The following TCF7L2 variants were observed in gnomAD, a reference collection of about 807,000 sequenced individuals.
The protein encoded by TCF7L2 is transcription factor 7-like 2.
TCF7L2 carries 23 observed loss-of-function variants against 77.9 expected under a neutral mutation model. The observed-to-expected ratio is 0.30, with a 90% CI of 0.21 to 0.42. TCF7L2 has a LOEUF of 0.42. Ranked by LOEUF, TCF7L2 falls within the 10% of genes least tolerant of loss-of-function variation. The probability of loss-of-function intolerance (pLI) is 1.00; values close to 1 mark genes in which losing one functional copy is unlikely to be tolerated. For missense variants in TCF7L2, 654 were observed against 793.1 expected (o/e 0.82, Z 2.11); for synonymous variants, 413 against 340.2 (o/e 1.21, Z -2.36).
chr10:112,960,921 G>A (rs1019104327), intron 3 of TCF7L2, among the ~76,000 whole-genome samples: 1 of 152,140 alleles, frequency 6.6e-6, no homozygotes, highest in Non-Finnish European at 1.5e-5. Context: ...TGGAACTCCT[G>A]TCCTCAGATG....
intron 5 of TCF7L2, chr10:113,129,926 T>C: frequency 7.7e-7 from 1 of 1,295,028 alleles, no homozygotes; most frequent in Non-Finnish European, 1.0e-6. Flanking sequence ...GGAGGCGCAG[T>C]GGCCTCCGGG....
At chr10:112,969,359 A>T (rs946856274) in intron 4 of TCF7L2, among the ~76,000 whole-genome samples, 1 of 152,224 alleles carries the variant, frequency 6.6e-6, no homozygotes, top group Non-Finnish European at 1.5e-5. Context: ...ACTGATGAAT[A>T]TGCTTCAGTG....
At chr10:113,009,561 T>C (rs1163993174) in intron 4 of TCF7L2, among the ~76,000 whole-genome samples, 1 of 152,168 alleles carries the variant, frequency 6.6e-6, no homozygotes, top group Admixed American at 6.6e-5. Flanking sequence ...TCTCCAAAGC[T>C]TCAGGAACAT....
chr10:113,100,157 G>A (rs2061476757), intron 5 of TCF7L2, among the ~76,000 whole-genome samples: 1 of 152,148 alleles, frequency 6.6e-6, no homozygotes, highest in Non-Finnish European at 1.5e-5. Flanking sequence ...CTTCCAGGTG[G>A]GAGAAGAATG....
intron 5 of TCF7L2, among the ~76,000 whole-genome samples, chr10:113,066,054 A>G (rs7100388): frequency 0.11 from 16,645 of 152,182 alleles, 1,026 homozygotes; most frequent in South Asian, 0.22. Flanking sequence ...GAATTCCAGT[A>G]TACCATCAGT....
In TCF7L2 at chr10:113,078,743, A is replaced by T. The variant is rs908190375; in HGVS notation, c.552+38617A>T. On this transcript the variant is annotated intron_variant, in intron 5 of 13. Transcript: ENST00000627217. ...CTCCGGTGGCTGAAACATGCCTCTG[A>T]TAGGTGCTATCTCCCTTGTCTTCAT... is the stretch of plus-strand genomic sequence containing the variant. Among the ~76,000 whole-genome samples, 39 of 151,960 alleles carry T rather than the reference A, an allele frequency of 2.6e-4. 1 individual carries two copies. Among genetic ancestry groups the T allele is most frequent in the Admixed American group, 2.5e-3 (38 of 15,270 alleles).
chr10:113,135,818 A>C (rs1209735177), intron 5 of TCF7L2, among the ~76,000 whole-genome samples: 1 of 152,038 alleles, frequency 6.6e-6, no homozygotes, highest in East Asian at 1.9e-4. Flanking sequence ...AGCTCCACCT[A>C]ATTTGGGGTT....
At chr10:113,131,232 T>C (rs2066551869) in intron 5 of TCF7L2, among the ~76,000 whole-genome samples, 1 of 152,256 alleles carries the variant, frequency 6.6e-6, no homozygotes, top group Admixed American at 6.5e-5. Flanking sequence ...GAATGAAATA[T>C]ACCATAGACT....
chr10:113,119,643 C>T (rs2064434291), intron 5 of TCF7L2, among the ~76,000 whole-genome samples: 1 of 149,744 alleles, frequency 6.7e-6, no homozygotes, highest in South Asian at 2.1e-4. Context: ...CCAAAAGAAA[C>T]ATTTTAGCCA....
At chr10:113,009,421 C>T (rs1365368304) in intron 4 of TCF7L2, among the ~76,000 whole-genome samples, 1 of 152,160 alleles carries the variant, frequency 6.6e-6, no homozygotes, top group East Asian at 1.9e-4. Flanking sequence ...GTTTTCAGCC[C>T]TGGAGACTCT....
chr10:113,028,333 TCCA>T (rs2049582149), intron 4 of TCF7L2, among the ~76,000 whole-genome samples: 1 of 152,140 alleles, frequency 6.6e-6, no homozygotes, highest in African/African-American at 2.4e-5. Flanking sequence ...TCGTGGGGCC[TCCA>T]GAAGGTCAGC....
At chr10:112,954,132 A>T (rs1399650998) in intron 3 of TCF7L2, among the ~76,000 whole-genome samples, 1 of 152,232 alleles carries the variant, frequency 6.6e-6, no homozygotes, top group Non-Finnish European at 1.5e-5. Flanking sequence ...GGAGGAATGC[A>T]TAGGCAAGAT....
At chr10:113,025,218 ATTTTTTT>A (rs35779425) in intron 4 of TCF7L2, among the ~76,000 whole-genome samples, 1 of 98,980 alleles carries the variant, frequency 1.0e-5, no homozygotes, top group Non-Finnish European at 1.9e-5. Flanking sequence ...CTGTGACTGG[ATTTTTTT>A]TTTTTTTTTT....
intron 4 of TCF7L2, among the ~76,000 whole-genome samples, chr10:113,039,038 C>T (rs529225593): frequency 1.3e-5 from 2 of 152,312 alleles, no homozygotes; most frequent in African/African-American, 4.8e-5. Context: ...CATAAAGGCT[C>T]GTCTCCATGT....
intron 3 of TCF7L2, among the ~76,000 whole-genome samples, chr10:112,962,835 G>A (rs772301822): frequency 6.6e-6 from 1 of 152,138 alleles, no homozygotes; most frequent in South Asian, 2.1e-4. Context: ...CTGACCTCAG[G>A]TGATCTGCCC....
In TCF7L2 at chr10:113,041,809, C is replaced by T. The variant is rs137912507; in HGVS notation, c.552+1683C>T. ...AGGTTTCCCGCCTCCCTGAATTTCC[C>T]AGCATGGTCCAGGCTTTGAAATTTA... On this transcript the variant is annotated intron_variant, in intron 5 of 13. Coordinates refer to ENST00000627217, the MANE Select transcript of TCF7L2 (RefSeq NM_001146274.2). 1.4e-3 allele frequency among the ~76,000 whole-genome samples: 215 copies of T among 152,310 alleles called. 1 individual carries two copies. The highest frequency in any genetic ancestry group is 1.2e-3 in the Admixed American group (19 of 15,300).
rs565096441 is a variant in TCF7L2 at position 112,961,227 on chromosome 10, C to G, written c.382-3329C>G. Among the ~76,000 whole-genome samples, 487 of 136,780 alleles carry G rather than the reference C, an allele frequency of 3.6e-3. 15 individuals are homozygous for G. Among genetic ancestry groups the G allele is most frequent in the African/African-American group, 0.014 (470 of 34,334 alleles). The allele number at this position is 136,780 out of a possible 152,430, so 89.7% of individuals were successfully genotyped here. A position where few individuals can be genotyped will look rare whatever the true frequency, so the allele number is the denominator to read the frequency against. On this transcript the variant is annotated intron_variant, in intron 3 of 13. Transcript: ENST00000627217. Reference sequence around the variant, plus strand: ...ACGGGGTTTCACCATGTTGGTCAGGCTGGTCTCGAACTCCCGACCTCAGGT... The same window carrying G: ...ACGGGGTTTCACCATGTTGGTCAGGGTGGTCTCGAACTCCCGACCTCAGGT...
intron 5 of TCF7L2, among the ~76,000 whole-genome samples, chr10:113,110,112 C>G (rs1784463609): frequency 1.3e-5 from 2 of 152,182 alleles, no homozygotes; most frequent in African/African-American, 2.4e-5. Flanking sequence ...TAATTCTTGA[C>G]TTCTTCCTCT....
intron 4 of TCF7L2, among the ~76,000 whole-genome samples, chr10:113,039,407 G>A (rs1590862993): frequency 6.6e-6 from 1 of 152,212 alleles, no homozygotes; most frequent in Non-Finnish European, 1.5e-5. Context: ...TGAGATGAGT[G>A]TATACATTGT....
Sources: allele counts gnomAD v4.1 joint callset (sites outside exome capture counted in the v4.1 genomes callset), GRCh38; gene constraint gnomAD v4.1.1; transcripts MANE v1.5; gene names NCBI Gene and HGNC (gene_info 2026-07-23, HGNC 2026-07-21).